Variants in IMMP2L observed in about 807,000 individuals in gnomAD.
IMMP2L encodes the protein inner mitochondrial membrane peptidase subunit 2, also known as mitochondrial inner membrane protease subunit 2.
IMMP2L carries 18 observed loss-of-function variants against 19.3 expected under a neutral mutation model. That is an observed-to-expected ratio of 0.93 (90% CI 0.64 to 1.38). The LOEUF (loss-of-function observed/expected upper bound fraction) is 1.38, where lower values mean the gene tolerates loss of function less well. Ranked by LOEUF, IMMP2L falls within the 40% of genes most tolerant of loss-of-function variation. IMMP2L has a pLI of 0.00. For synonymous variants in IMMP2L, 76 were observed against 73.0 expected, an observed-to-expected ratio of 1.04 and a Z score of -0.21; for missense variants, 233 against 218.2, an observed-to-expected ratio of 1.07 and a Z score of -0.43.
intron 3 of IMMP2L, among the ~76,000 whole-genome samples, chr7:111,042,552 ACAAGCTCAAGCT>A: frequency 6.6e-6 from 1 of 152,304 alleles, no homozygotes; most frequent in East Asian, 1.9e-4. Context: ...TGGATAAACA[ACAAGCTCAAGCT>A]CAAGCTAGAT....
intron 3 of IMMP2L, among the ~76,000 whole-genome samples, chr7:110,992,780 T>G (rs1490892364): frequency 2.6e-5 from 4 of 152,068 alleles, no homozygotes. Flanking sequence ...ATTAAGAATA[T>G]ATTCAGAAAT....
chr7:110,961,418 A>T (rs1818926456), intron 4 of IMMP2L, among the ~76,000 whole-genome samples: 1 of 133,746 alleles, frequency 7.5e-6, no homozygotes, highest in Non-Finnish European at 1.6e-5. Flanking sequence ...AATAATGACA[A>T]GAAAAAAGTC....
intron 1 of IMMP2L, among the ~76,000 whole-genome samples, chr7:111,554,833 C>T (rs941752324): frequency 3.9e-5 from 6 of 151,936 alleles, no homozygotes; most frequent in Non-Finnish European, 7.4e-5. Flanking sequence ...AGGCTAGTCT[C>T]GAACTCCTGA....
chr7:110,741,202 A>G (rs9641447), intron 5 of IMMP2L, among the ~76,000 whole-genome samples: 84,661 of 152,102 alleles, frequency 0.56, 25,227 homozygotes, highest in East Asian at 0.81. Flanking sequence ...TAAACTTTGA[A>G]ACTATTATTC....
intron 3 of IMMP2L, among the ~76,000 whole-genome samples, chr7:111,112,918 A>C (rs1387915110): frequency 6.6e-6 from 1 of 152,184 alleles, no homozygotes; most frequent in African/African-American, 2.4e-5. Context: ...AAATTCTTTC[A>C]AACTGAAGGA....
chr7:111,516,421 T>C (rs550184531), intron 2 of IMMP2L, among the ~76,000 whole-genome samples: 2 of 151,922 alleles, frequency 1.3e-5, no homozygotes, highest in Non-Finnish European at 2.9e-5. Flanking sequence ...ATAAAATAAA[T>C]ATACTAAAAT....
chr7:110,818,427 T>C lies in IMMP2L; in HGVS notation c.408+68166A>G, dbSNP rs1168633901. On this transcript the variant is annotated intron_variant, in intron 5 of 5. Transcript: ENST00000405709. Reference sequence around the variant, plus strand: ...AACCACAATGAGATACCATCTCACATCAGTTAGAATGGCGATCATTAAAAA... The same window carrying C: ...AACCACAATGAGATACCATCTCACACCAGTTAGAATGGCGATCATTAAAAA... Among the ~76,000 whole-genome samples the C allele has an allele frequency of 2.4e-3, 367 of 151,984 alleles. 2 individuals carry two copies. Among genetic ancestry groups the C allele is most frequent in the African/African-American group, 4.2e-3 (173 of 41,486 alleles).
At chr7:110,852,263 T>C (rs541351537) in intron 5 of IMMP2L, among the ~76,000 whole-genome samples, 24 of 151,962 alleles carry the variant, frequency 1.6e-4, no homozygotes, top group Admixed American at 3.9e-4. Flanking sequence ...TATATAGCCA[T>C]AAACATCCAT....
At chr7:110,931,813 C>T (rs1815521243) in intron 4 of IMMP2L, among the ~76,000 whole-genome samples, 1 of 152,074 alleles carries the variant, frequency 6.6e-6, no homozygotes, top group Non-Finnish European at 1.5e-5. Context: ...ATTCTCTAGC[C>T]TCATCTCCCA....
chr7:111,494,809 CAA>C (rs1843439320), intron 2 of IMMP2L, among the ~76,000 whole-genome samples: 1 of 151,998 alleles, frequency 6.6e-6, no homozygotes, highest in East Asian at 1.9e-4. Context: ...TAAAGGGAAA[CAA>C]TATCAGGTAC....
At chr7:110,846,902 G>T (rs1805723962) in intron 5 of IMMP2L, among the ~76,000 whole-genome samples, 1 of 152,044 alleles carries the variant, frequency 6.6e-6, no homozygotes, top group East Asian at 1.9e-4. Flanking sequence ...AGCCCTGTTG[G>T]TTTTTGACAT....
chr7:111,468,804 T>A (rs1002208019), intron 3 of IMMP2L, among the ~76,000 whole-genome samples: 7 of 152,092 alleles, frequency 4.6e-5, no homozygotes, highest in Admixed American at 4.6e-4. Context: ...AGACTCTGTG[T>A]CTAACTGGAT....
At chr7:111,249,587 G>A (rs1259825873) in intron 3 of IMMP2L, among the ~76,000 whole-genome samples, 1 of 152,090 alleles carries the variant, frequency 6.6e-6, no homozygotes, top group Non-Finnish European at 1.5e-5. Flanking sequence ...TGCTTATAAG[G>A]AAAGAAAACT....
chr7:110,986,670 T>C (rs1821891528), intron 3 of IMMP2L, among the ~76,000 whole-genome samples: 1 of 152,064 alleles, frequency 6.6e-6, no homozygotes, highest in Admixed American at 6.6e-5. Flanking sequence ...GAATACAAAC[T>C]CCAGAGTTGG....
chr7:111,346,290 C>T (rs569120059), intron 3 of IMMP2L, among the ~76,000 whole-genome samples: 1 of 152,146 alleles, frequency 6.6e-6, no homozygotes, highest in East Asian at 1.9e-4. Context: ...AGGAATTGAA[C>T]CCATGTTGAC....
At chr7:111,268,250 A>T (rs545240616) in intron 3 of IMMP2L, among the ~76,000 whole-genome samples, 1 of 152,200 alleles carries the variant, frequency 6.6e-6, no homozygotes, top group South Asian at 2.1e-4. Flanking sequence ...ATTAGGATGC[A>T]ACCAATCAAT....
rs1474575087 is a variant in IMMP2L, at chr7:110,803,989, T to C, written c.408+82604A>G. 6.6e-6 allele frequency among the ~76,000 whole-genome samples: 1 copy of C among 152,028 alleles called. No individual in the cohort carries two copies. Among genetic ancestry groups the C allele is most frequent in the African/African-American group, 2.4e-5 (1 of 41,422 alleles). On this transcript the variant is annotated intron_variant, in intron 5 of 5. Transcript: ENST00000405709. This position sits in a 1 kb window ranked among gnomAD's most constrained non-coding sequence, Gnocchi z 4.2. ...TAAGAACAACTGGTAAAATGGGTAC[T>C]TGAAAGATGAGAATGAGTTTATGAT...
intron 3 of IMMP2L, among the ~76,000 whole-genome samples, chr7:111,392,382 GACT>G (rs1832446000): frequency 1.3e-5 from 2 of 152,102 alleles, no homozygotes; most frequent in African/African-American, 4.8e-5. Flanking sequence ...CATCTGATGT[GACT>G]ACTTTTTTAT....
intron 3 of IMMP2L, among the ~76,000 whole-genome samples, chr7:111,127,792 T>C (rs1801462012): frequency 1.3e-5 from 2 of 152,202 alleles, no homozygotes; most frequent in African/African-American, 4.8e-5. Context: ...GCTCACCTTG[T>C]ATGGAGAAAA....
Sources: gnomAD v4.1 joint callset for allele counts (sites outside exome capture counted in the v4.1 genomes callset) on GRCh38, gnomAD v4.1.1 for gene constraint, Gnocchi (gnomAD v3.1) non-coding constraint, MANE v1.5 for transcripts, NCBI Gene and HGNC (gene_info 2026-07-23, HGNC 2026-07-21) for gene names.